Variants in C1orf167 observed in about 807,000 individuals in gnomAD.
The protein encoded by C1orf167 is uncharacterized protein C1orf167.
In C1orf167, 153 loss-of-function variants were observed where a neutral mutation model predicts 176.5. The observed-to-expected ratio is 0.87, with a 90% confidence interval of 0.76 to 0.99. C1orf167 has a LOEUF of 0.99. Ranked by LOEUF, C1orf167 falls within the 50% of genes least tolerant of loss-of-function variation. The pLI, the probability that C1orf167 is intolerant of heterozygous loss-of-function variation, is 0.00. For missense variants in C1orf167, 1,490 were observed against 1,817.7 expected (o/e 0.82, Z 3.28); for synonymous variants, 594 against 752.7 (o/e 0.79, Z 3.45).
At chr1:11,772,847 A>T (rs564943449) in intron 8 of C1orf167, among the ~76,000 whole-genome samples, 1 of 149,830 alleles carries the variant, frequency 6.7e-6, no homozygotes, top group Non-Finnish European at 1.5e-5. Flanking sequence ...ACACAGATCT[A>T]TGAGTTTCTT....
intron 6 of C1orf167, among the ~76,000 whole-genome samples, chr1:11,771,188 G>A (rs1403273921): frequency 6.9e-6 from 1 of 145,892 alleles, no homozygotes; most frequent in Non-Finnish European, 1.5e-5. Flanking sequence ...TAAAGTCCTC[G>A]GATTACAGGT....
intron 16 of C1orf167, chr1:11,786,601 A>G (rs1335235844): frequency 1.4e-5 from 1 of 71,148 alleles, no homozygotes; most frequent in East Asian, 5.1e-4. Context: ...ACACCCGGCT[A>G]ATTTTTTTTT....
At chr1:11,775,412 G>T (rs1486792752) in intron 8 of C1orf167, 23 bp from the exon 9 acceptor site, 6 of 1,276,914 alleles carry the variant, frequency 4.7e-6, no homozygotes, top group African/African-American at 1.5e-5. Context: ...ATTGACATGG[G>T]TACTTTCCCT....
At chr1:11,772,680 T>A (rs1418531032) in intron 8 of C1orf167, among the ~76,000 whole-genome samples, 1 of 152,134 alleles carries the variant, frequency 6.6e-6, no homozygotes. Context: ...CCCGCCCCAC[T>A]GGCTGGGATT....
Position 11,789,399 on chromosome 1 carries a change from CG to C in C1orf167, c.4307del (p.Gly1436ValfsTer19). On this transcript the variant is annotated frameshift_variant, in exon 21 of 21. Coordinates refer to ENST00000688073, the MANE Select transcript of C1orf167 (RefSeq NM_001010881.2). LOFTEE classifies it low-confidence loss of function (END_TRUNC). ...ESGQEAARAP[R>X]GWGLGAEHGA... ...TGGACAGGAAGCCGCCAGAGCACCGCGGGGTTGGGGGCTTGGGGCAGAGCAT... is the reference window on the plus strand; with the variant it reads ...TGGACAGGAAGCCGCCAGAGCACCGCGGGTTGGGGGCTTGGGGCAGAGCAT... The C allele has an allele frequency of 7.7e-7, 1 of 1,303,298 alleles. No homozygotes were observed. The highest frequency in any genetic ancestry group is 1.0e-6 in the Non-Finnish European group (1 of 988,694). 80.7% of individuals were successfully genotyped at this position (1,303,298 alleles called of 1,614,324 possible). A position where few individuals can be genotyped will look rare whatever the true frequency, so the allele number is the denominator to read the frequency against.
Position 11,784,347 on chromosome 1 carries a change from T to G in C1orf167, c.3179T>G (p.Leu1060Arg). 7.7e-7 allele frequency: 1 copy of G among 1,303,978 alleles called. No homozygotes were observed. The highest frequency in any genetic ancestry group is 1.5e-5 in the African/African-American group (1 of 65,998). The allele number at this position is 1,303,978 out of a possible 1,614,324, so 80.8% of individuals were successfully genotyped here. Residue 1060 changes from leucine (L) to arginine (R), a missense_variant, in exon 15 of 21, where the codon CTT becomes CGT. Transcript: ENST00000688073. ...GAGCAGCGTGTGGCCCAGGCCTCCC[T>G]TGCCCGCTGGAGAAGCTGCGGGCAG... Reference protein sequence around the residue: ...AQEQRVAQASLARWRSCGQQG... With the variant: ...AQEQRVAQASRARWRSCGQQG...
At position 11,762,260 on chromosome 1, in the gene C1orf167, T is replaced by C. The variant is rs1642541169; in HGVS notation, c.-116T>C. The C allele has an allele frequency of 2.3e-6, 1 of 427,714 alleles. No homozygotes were observed. The highest frequency in any genetic ancestry group is 2.5e-5 in the Admixed American group (1 of 40,092). 26.5% of individuals were successfully genotyped at this position (427,714 alleles called of 1,614,324 possible). ...TTAGCGGTCCCAGCCCCCGTCTAGA[T>C]TCAAATCCGACTGGGTGAAGGAGGA... On this transcript the variant is annotated 5_prime_UTR_variant, in exon 1 of 21. Coordinates refer to ENST00000688073, the MANE Select transcript of C1orf167 (RefSeq NM_001010881.2).
intron 16 of C1orf167, chr1:11,786,280 G>A (rs1241939306): frequency 6.6e-6 from 1 of 152,188 alleles, no homozygotes; most frequent in African/African-American, 2.4e-5. Context: ...CAGCAGTCTG[G>A]GGACATGTCC....
At chr1:11,772,564 G>A (rs1446581685) in intron 8 of C1orf167, among the ~76,000 whole-genome samples, 1 of 152,216 alleles carries the variant, frequency 6.6e-6, no homozygotes, top group Non-Finnish European at 1.5e-5. Context: ...AGCATGCCTG[G>A]CCCCCACTTC....
At position 11,764,328 on chromosome 1, in the gene C1orf167, C is replaced by T; in HGVS notation, c.-70-3C>T. 1 of 1,185,884 alleles carries T rather than the reference C, an allele frequency of 8.4e-7. No individual in the cohort carries two copies. The highest frequency in any genetic ancestry group is 1.1e-6 in the Non-Finnish European group (1 of 894,606). The allele number at this position is 1,185,884 out of a possible 1,614,324, so 73.5% of individuals were successfully genotyped here. A position where few individuals can be genotyped will look rare whatever the true frequency, so the allele number is the denominator to read the frequency against. On this transcript the variant is annotated splice_polypyrimidine_tract_variant and splice_region_variant and intron_variant, in intron 1 of 20. Transcript: ENST00000688073. ...GCCAGGGCAACCTGTCCTCTCCCCG[C>T]AGGGCCCATCTGATTAAACAGACCA...
Position 11,787,437 on chromosome 1 carries a change from C to T in C1orf167, c.3617C>T (p.Ser1206Leu), listed in dbSNP as rs1266668022. The T allele has an allele frequency of 7.7e-7, 1 of 1,303,326 alleles. No individual in the cohort carries two copies. The highest frequency in any genetic ancestry group is 1.0e-6 in the Non-Finnish European group (1 of 988,682). The allele number at this position is 1,303,326 out of a possible 1,614,324, so 80.7% of individuals were successfully genotyped here. Residue 1206 changes from serine to leucine, a missense_variant, in exon 17 of 21, where the codon TCA becomes TTA. Coordinates refer to ENST00000688073, the MANE Select transcript of C1orf167 (RefSeq NM_001010881.2). ...ACAGAGCTGGTGCCTCCCGCGCCAT[C>T]ACTGCAGTGCAGCCTGGGTGGACGG... The part of the protein sequence containing the change: ...QATELVPPAP[S>L]LQCSLGGRRK...
intron 10 of C1orf167, 39 bp downstream of exon 10, chr1:11,776,677 G>A (rs1209998192): frequency 8.4e-7 from 1 of 1,188,704 alleles, no homozygotes; most frequent in East Asian, 6.8e-5. Flanking sequence ...GTTGGGCCTG[G>A]GGGCTGTGGG....
At chr1:11,786,584 T>A (rs1454876260) in intron 16 of C1orf167, 1 of 147,900 alleles carries the variant, frequency 6.8e-6, no homozygotes, top group Non-Finnish European at 1.5e-5. Flanking sequence ...TACAGGCGTG[T>A]GCCACCACAC....
At position 11,779,069 on chromosome 1, in the gene C1orf167, C is replaced by G. The variant is rs913607279; in HGVS notation, c.2640C>G (p.Thr880=). ...GCACAGCCAGGTGGTACCAGCATAC[C>G]CGCCAGAGGCGGTAGGGATCCCTCC... ...FQGTARWYQH[T]RQRRIFLSWS... The change falls in exon 12 of 21, where the codon ACC becomes ACG. Residue 880 remains threonine, a synonymous_variant. Coordinates refer to ENST00000688073, the MANE Select transcript of C1orf167 (RefSeq NM_001010881.2). The G allele has an allele frequency of 3.2e-6, 4 of 1,250,582 alleles. No individual in the cohort carries two copies. The African/African-American group carries it at 6.2e-5, about 19-fold the overall frequency. The allele number at this position is 1,250,582 out of a possible 1,614,324, so 77.5% of individuals were successfully genotyped here. A position where few individuals can be genotyped will look rare whatever the true frequency, so the allele number is the denominator to read the frequency against.
chr1:11,774,984 G>T (rs1355289010), intron 8 of C1orf167, among the ~76,000 whole-genome samples: 3 of 152,128 alleles, frequency 2.0e-5, no homozygotes, highest in East Asian at 3.9e-4. Flanking sequence ...CCATTTTACA[G>T]ATGAGAAAAC....
At chr1:11,780,147 G>A (rs1570419936) in intron 13 of C1orf167, 137 bp downstream of exon 13, 4 of 537,708 alleles carry the variant, frequency 7.4e-6, no homozygotes, top group Admixed American at 7.9e-5. Context: ...GCTACATCTG[G>A]ACTCCTGACC....
chr1:11,782,240 A>G lies in C1orf167; in HGVS notation c.2912A>G (p.Gln971Arg). Residue 971 changes from glutamine to arginine, a missense_variant, in exon 14 of 21, where the codon CAG becomes CGG. By Grantham distance (43) the Gln-to-Arg change is conservative. Coordinates refer to ENST00000688073, the MANE Select transcript of C1orf167 (RefSeq NM_001010881.2). ...KCQTWVQVHL[Q>R]GLQKVVFRSW... ...CAGACATGGGTGCAGGTCCACCTCC[A>G]GGGCCTGCAGAAGGTGGTGTTCCGG... The G allele has an allele frequency of 5.4e-6, 7 of 1,301,156 alleles. No homozygotes were observed. Among genetic ancestry groups the G allele is most frequent in the Non-Finnish European group, 7.1e-6 (7 of 987,830 alleles). The allele number at this position is 1,301,156 out of a possible 1,614,324, so 80.6% of individuals were successfully genotyped here. A position where few individuals can be genotyped will look rare whatever the true frequency, so the allele number is the denominator to read the frequency against.
At chr1:11,788,588 GA>G (rs1643973760) in intron 19 of C1orf167, 63 bp from the exon 20 acceptor site, 1 of 1,255,062 alleles carries the variant, frequency 8.0e-7, no homozygotes, top group African/African-American at 1.5e-5. Flanking sequence ...GAGAAAGGCA[GA>G]AGGGCTGGGG....
intron 10 of C1orf167, 85 bp from the exon 11 acceptor site, chr1:11,778,575 G>A (rs1357894351): frequency 1.3e-5 from 15 of 1,141,028 alleles, no homozygotes; most frequent in South Asian, 6.1e-5. Flanking sequence ...CTTTCACAGC[G>A]GCCAGGGTAG....
Sources: allele counts gnomAD v4.1 joint callset (sites outside exome capture counted in the v4.1 genomes callset), GRCh38; gene constraint gnomAD v4.1.1; transcripts MANE v1.5; gene names NCBI Gene and HGNC (gene_info 2026-07-23, HGNC 2026-07-21).